The following WSCD2 variants were observed in gnomAD, a reference collection of about 807,000 sequenced individuals.
WSCD2 encodes sialate:O-sulfotransferase 2.
A neutral mutation model predicts 55.7 loss-of-function variants in WSCD2; 28 were observed. The ratio of observed to expected loss-of-function variants is 0.50; its 90% CI spans 0.37 to 0.69. The LOEUF (loss-of-function observed/expected upper bound fraction) is 0.69, where lower values mean the gene tolerates loss of function less well. Ranked by LOEUF, WSCD2 falls within the 30% of genes least tolerant of loss-of-function variation. The probability of loss-of-function intolerance (pLI) is 0.00; values close to 1 mark genes in which losing one functional copy is unlikely to be tolerated. For synonymous variants in WSCD2, 301 were observed against 301.9 expected (o/e 1.00, Z 0.03); for missense variants, 616 against 762.1 (o/e 0.81, Z 2.26).
intron 1 of WSCD2, among the ~76,000 whole-genome samples, chr12:108,153,100 C>CACAA (rs1565920079): frequency 6.5e-5 from 4 of 61,458 alleles, no homozygotes; most frequent in Admixed American, 1.9e-4. Flanking sequence ...GAGACTCTGT[C>CACAA]TCAAACAAAC....
At chr12:108,227,550 C>A (rs549839481) in intron 6 of WSCD2, among the ~76,000 whole-genome samples, 11 of 152,318 alleles carry the variant, frequency 7.2e-5, no homozygotes, top group African/African-American at 2.6e-4. Flanking sequence ...CTGTTGGCCT[C>A]CAGTGTTCCT....
intron 1 of WSCD2, among the ~76,000 whole-genome samples, chr12:108,173,810 C>CTCTCTGTGTGTGTGTGTGTG (rs376999073): frequency 8.5e-4 from 112 of 131,226 alleles, no homozygotes; most frequent in African/African-American, 3.1e-3. Flanking sequence ...TCCTGGCTCT[C>CTCTCTGTGTGTGTGTGTGTG]TGTGTGTGTG....
At chr12:108,159,468 C>T (rs1456855797) in intron 1 of WSCD2, among the ~76,000 whole-genome samples, 2 of 152,218 alleles carry the variant, frequency 1.3e-5, no homozygotes, top group Non-Finnish European at 2.9e-5. Flanking sequence ...CACAGTACTA[C>T]AGTGTTATGC....
intron 1 of WSCD2, among the ~76,000 whole-genome samples, chr12:108,164,158 T>TTTTTTTTTTTTTTTTTTTTTA (rs1159854999): frequency 6.9e-6 from 1 of 144,444 alleles, no homozygotes; most frequent in East Asian, 2.0e-4. Flanking sequence ...TTTTTTTTTT[T>TTTTTTTTTTTTTTTTTTTTTA]TTTTCAGAGA....
chr12:108,148,061 C>T (rs1218385815), intron 1 of WSCD2, among the ~76,000 whole-genome samples: 1 of 152,136 alleles, frequency 6.6e-6, no homozygotes, highest in Admixed American at 6.5e-5. Flanking sequence ...TTGTTTCCTG[C>T]CTGTGTCTTC....
intron 8 of WSCD2, among the ~76,000 whole-genome samples, chr12:108,243,862 C>T (rs1889921868): frequency 6.6e-6 from 1 of 152,154 alleles, no homozygotes; most frequent in Non-Finnish European, 1.5e-5. Flanking sequence ...CCCACCATGC[C>T]CTTGTCACCC....
intron 1 of WSCD2, among the ~76,000 whole-genome samples, chr12:108,172,830 C>A (rs1454963866): frequency 1.3e-5 from 2 of 152,186 alleles, no homozygotes; most frequent in African/African-American, 4.8e-5. Context: ...TTTGTTACAG[C>A]AGCTTTAGGA....
chr12:108,220,610 G>A (rs1273710672), intron 4 of WSCD2, among the ~76,000 whole-genome samples: 1 of 152,190 alleles, frequency 6.6e-6, no homozygotes, highest in Non-Finnish European at 1.5e-5. Context: ...GCTCATTGCA[G>A]CCTCGACTGC....
chr12:108,204,856 C>T (rs1885129344), intron 2 of WSCD2, among the ~76,000 whole-genome samples: 1 of 152,178 alleles, frequency 6.6e-6, no homozygotes, highest in Non-Finnish European at 1.5e-5. Flanking sequence ...CCTGCTCTCC[C>T]CACAAGGAAG....
At position 108,240,358 on chromosome 12, in the gene WSCD2, C is replaced by A. The variant is rs1248846599; in HGVS notation, c.1159C>A (p.Arg387=). 3 of 1,613,990 alleles carry A rather than the reference C, an allele frequency of 1.9e-6. No individual in the cohort carries two copies. The highest frequency in any genetic ancestry group is 3.3e-5 in the Admixed American group (2 of 60,024). ...SLYNKGFKGE[R]DHWRSGRTIC... is the part of the protein sequence containing the mutation. The stretch of plus-strand genomic sequence containing the variant: ...GCTGCGGGAAGGGTTTAAAGGTGAG[C>A]GGGACCACTGGCGCAGCGGACGGAC... The change falls in exon 8 of 9, where the codon CGG becomes AGG. Residue 387 remains arginine, a synonymous_variant. Coordinates refer to ENST00000547525, the MANE Select transcript of WSCD2 (RefSeq NM_014653.4).
At chr12:108,226,969 C>A (rs748670138) in intron 5 of WSCD2, 21 bp from the exon 6 acceptor site, 1 of 1,606,116 alleles carries the variant, frequency 6.2e-7, no homozygotes, top group East Asian at 2.2e-5. Flanking sequence ...TCTTCCTCTT[C>A]TTCTCCCACT....
intron 1 of WSCD2, among the ~76,000 whole-genome samples, chr12:108,132,658 C>A (rs1402152853): frequency 2.0e-5 from 3 of 152,164 alleles, no homozygotes; most frequent in Admixed American, 1.3e-4. Flanking sequence ...CAGGTGTATG[C>A]CTGCACAGAT....
At chr12:108,180,608 G>A (rs2136998935) in intron 1 of WSCD2, among the ~76,000 whole-genome samples, 1 of 152,318 alleles carries the variant, frequency 6.6e-6, no homozygotes, top group South Asian at 2.1e-4. Flanking sequence ...GTTTTACTAA[G>A]CAAGAGCCAG....
intron 1 of WSCD2, among the ~76,000 whole-genome samples, chr12:108,140,093 A>C (rs1161153588): frequency 6.6e-6 from 1 of 152,172 alleles, no homozygotes. Context: ...CAGAAGGTAC[A>C]CGGGGTAGAA....
chr12:108,248,180 G>A lies in WSCD2; in HGVS notation c.1535G>A (p.Ser512Asn). 1 of 1,614,224 alleles carries A rather than the reference G, an allele frequency of 6.2e-7. No individual in the cohort carries two copies. The highest frequency in any genetic ancestry group is 8.5e-7 in the Non-Finnish European group (1 of 1,180,040). Residue 512 changes from serine (S) to asparagine (N), a missense_variant, in exon 9 of 9, where the codon AGC becomes AAC. Around this residue, in one of 3 missense-constraint regions of WSCD2, gnomAD observed 234 missense variants for 264.6 expected, o/e 0.88. Transcript: ENST00000547525. This position sits in a 1 kb window ranked among gnomAD's most constrained non-coding sequence, Gnocchi z 4.3. Reference sequence around the variant, plus strand: ...GAGGACCGGCTGCTCTGTGTGGAGAGCCAGAAGGATGGCAACTTCAAGCGC... The same window carrying A: ...GAGGACCGGCTGCTCTGTGTGGAGAACCAGAAGGATGGCAACTTCAAGCGC... ...VREDRLLCVE[S>N]QKDGNFKRSG... is the part of the protein sequence containing the mutation.
At chr12:108,163,134 T>C (rs17040254) in intron 1 of WSCD2, among the ~76,000 whole-genome samples, 3,301 of 152,264 alleles carry the variant, frequency 0.022, 141 homozygotes, top group African/African-American at 0.076. Flanking sequence ...GGGTCTGATC[T>C]GATTCCAAGT....
chr12:108,158,695 C>G (rs1878767552), intron 1 of WSCD2, among the ~76,000 whole-genome samples: 1 of 152,136 alleles, frequency 6.6e-6, no homozygotes, highest in African/African-American at 2.4e-5. Context: ...TCCAGGTCTC[C>G]TGTCCCAGCC....
intron 1 of WSCD2, among the ~76,000 whole-genome samples, chr12:108,132,941 T>G (rs898482540): frequency 2.5e-4 from 38 of 152,342 alleles, no homozygotes; most frequent in African/African-American, 8.2e-4. Context: ...TGTCTCTGTA[T>G]GTGTGTGCAT....
Position 108,224,778 on chromosome 12 carries a change from A to C in WSCD2, c.722A>C (p.Asp241Ala), listed in dbSNP as rs1425114203. The change falls in exon 5 of 9, where the codon GAC (aspartate) becomes GCC (alanine). Residue 241 changes from aspartate to alanine, a missense_variant. By Grantham distance (126) the Asp-to-Ala change is moderately radical. Around this residue, in one of 3 missense-constraint regions of WSCD2, gnomAD observed 374 missense variants for 467.4 expected, o/e 0.80. Transcript: ENST00000547525. ...TTCCGGGGCTGCTTCCGCAGGCCCG[A>C]CAACCTTTCCCTGGCCTTACCCGTG... ...AVFRGCFRRP[D>A]NLSLALPVTA... The C allele has an allele frequency of 5.0e-6, 8 of 1,613,458 alleles. No individual in the cohort carries two copies. The highest frequency in any genetic ancestry group is 3.3e-5 in the Admixed American group (2 of 60,010).
Sources: allele counts gnomAD v4.1 joint callset (sites outside exome capture counted in the v4.1 genomes callset), GRCh38; gene constraint gnomAD v4.1.1; regional missense constraint gnomAD v4.1.1; non-coding constraint Gnocchi (gnomAD v3.1); transcripts MANE v1.5; gene names NCBI Gene and HGNC (gene_info 2026-07-23, HGNC 2026-07-21).